NCAM1: variants seen among roughly 807,000 people sequenced by gnomAD.
The protein encoded by NCAM1 is neural cell adhesion molecule 1, also known as antigen recognized by monoclonal antibody 5.1H11.
Under a neutral mutation model 109.8 loss-of-function variants are expected in NCAM1, and 14 were observed. The ratio of observed to expected loss-of-function variants is 0.13; its 90% CI spans 0.08 to 0.20. The LOEUF (loss-of-function observed/expected upper bound fraction) is 0.20, where lower values mean the gene tolerates loss of function less well. Ranked by LOEUF, NCAM1 falls within the 10% of genes least tolerant of loss-of-function variation. The pLI is 1.00. For synonymous variants in NCAM1, 418 were observed against 442.9 expected, an observed-to-expected ratio of 0.94 and a Z score of 0.70; for missense variants, 774 against 1,109.9, an observed-to-expected ratio of 0.70 and a Z score of 4.30.
intron 1 of NCAM1, among the ~76,000 whole-genome samples, chr11:113,154,942 A>G (rs1287923341): frequency 3.9e-5 from 6 of 152,198 alleles, no homozygotes; most frequent in African/African-American, 2.4e-5. Flanking sequence ...TCCTGCAGCA[A>G]GCCCCATTTC....
At chr11:113,088,327 G>C (rs574221170) in intron 1 of NCAM1, among the ~76,000 whole-genome samples, 18 of 152,256 alleles carry the variant, frequency 1.2e-4, no homozygotes, top group South Asian at 2.1e-4. Context: ...GGTAATTCGG[G>C]CTAATGCAAG....
At chr11:113,172,875 T>G (rs970972197) in intron 1 of NCAM1, among the ~76,000 whole-genome samples, 2 of 152,220 alleles carry the variant, frequency 1.3e-5, no homozygotes, top group African/African-American at 2.4e-5. Flanking sequence ...ATTTGCAAAT[T>G]TGAGCCTGGC....
At chr11:113,220,212 G>A (rs1555115024) in intron 8 of NCAM1, among the ~76,000 whole-genome samples, 3 of 152,246 alleles carry the variant, frequency 2.0e-5, no homozygotes, top group East Asian at 1.9e-4. Flanking sequence ...TCTAGATGTG[G>A]GTGGAAAATC....
intron 1 of NCAM1, among the ~76,000 whole-genome samples, chr11:113,128,249 A>G (rs1426627813): frequency 6.6e-6 from 1 of 152,206 alleles, no homozygotes; most frequent in Non-Finnish European, 1.5e-5. Context: ...GGGAGCAGGC[A>G]GACCTAGCTT....
intron 1 of NCAM1, among the ~76,000 whole-genome samples, chr11:113,190,009 G>A (rs778129891): frequency 8.5e-5 from 13 of 152,086 alleles, no homozygotes; most frequent in Non-Finnish European, 1.6e-4. Context: ...AGCACATGGG[G>A]GAGGTCCCAG....
intron 1 of NCAM1, among the ~76,000 whole-genome samples, chr11:113,129,865 T>C (rs1238091990): frequency 6.6e-6 from 1 of 152,224 alleles, no homozygotes; most frequent in Non-Finnish European, 1.5e-5. Context: ...GTTAAGTAAA[T>C]AGGCCAGCAA....
At chr11:113,000,519 C>T (rs966626502) in intron 1 of NCAM1, among the ~76,000 whole-genome samples, 3 of 151,892 alleles carry the variant, frequency 2.0e-5, no homozygotes, top group South Asian at 2.1e-4. Context: ...ACAGGAAGTA[C>T]GGATAACGAG....
At chr11:113,222,030 C>T (rs1944706720) in intron 9 of NCAM1, 1 of 152,196 alleles carries the variant, frequency 6.6e-6, no homozygotes. Context: ...AAGTATTAAT[C>T]TTTAGGCTTT....
intron 1 of NCAM1, among the ~76,000 whole-genome samples, chr11:113,099,067 A>ACGCCT (rs1555091016): frequency 6.6e-6 from 1 of 152,168 alleles, no homozygotes; most frequent in Admixed American, 6.5e-5. Context: ...AAACCTCAAA[A>ACGCCT]CAACCCTAGA....
intron 14 of NCAM1, among the ~76,000 whole-genome samples, chr11:113,238,906 G>T (rs546330653): frequency 5.9e-5 from 9 of 152,352 alleles, no homozygotes; most frequent in African/African-American, 2.2e-4. Context: ...GTTGCTGCCG[G>T]ACTCCTGGGC....
At chr11:113,205,033 C>T (rs552017358) in intron 3 of NCAM1, among the ~76,000 whole-genome samples, 42 of 152,222 alleles carry the variant, frequency 2.8e-4, no homozygotes, top group African/African-American at 4.6e-4. Flanking sequence ...ATTGATTGCA[C>T]GGTATTTATT....
chr11:113,215,145 G>A (rs1176403845), intron 8 of NCAM1, among the ~76,000 whole-genome samples: 1 of 152,130 alleles, frequency 6.6e-6, no homozygotes, highest in Non-Finnish European at 1.5e-5. Flanking sequence ...AATTAAAATG[G>A]CGGGAAAGAT....
intron 1 of NCAM1, among the ~76,000 whole-genome samples, chr11:113,171,245 C>T (rs1026379238): frequency 1.4e-4 from 21 of 152,282 alleles, no homozygotes; most frequent in African/African-American, 4.3e-4. Context: ...AGTGGCAGAG[C>T]CAGAATTTGA....
chr11:113,232,996 A>G (rs1945055895), intron 12 of NCAM1, 151 bp from the exon 13 acceptor site: 2 of 942,892 alleles, frequency 2.1e-6, no homozygotes, highest in African/African-American at 3.3e-5. Flanking sequence ...TTGGGGGAGA[A>G]GCATCTGGTG....
At chr11:113,126,535 T>C (rs1183605453) in intron 1 of NCAM1, among the ~76,000 whole-genome samples, 2 of 152,212 alleles carry the variant, frequency 1.3e-5, no homozygotes, top group African/African-American at 4.8e-5. Flanking sequence ...CCTGCTCTTT[T>C]ATTGCTTAGT....
chr11:113,158,153 A>G (rs1290962477), intron 1 of NCAM1, among the ~76,000 whole-genome samples: 31 of 152,236 alleles, frequency 2.0e-4, no homozygotes, highest in African/African-American at 6.8e-4. Context: ...CAAGTCTTTA[A>G]GTATTGGAAA....
chr11:113,275,277 G>A lies in NCAM1; in HGVS notation c.2467G>A (p.Val823Ile), dbSNP rs1555126330. Residue 823 changes from valine to isoleucine, a missense_variant, in exon 20 of 20, where the codon GTA becomes ATA. Val to Ile is a conservative substitution (Grantham distance 29, BLOSUM62 3). This residue lies in a region of NCAM1 where 122 missense variants were observed against 129.7 expected (regional missense o/e 0.94). Coordinates refer to ENST00000316851, the MANE Select transcript of NCAM1 (RefSeq NM_181351.5). Reference protein sequence around the residue: ...TPLTEPEKGPVEAKPECQETE... With the variant: ...TPLTEPEKGPIEAKPECQETE... ...CCTGATTCTCTGCAGGAAGGGCCCC[G>A]TAGAAGCAAAGCCAGAGTGCCAGGA... The A allele has an allele frequency of 5.6e-6, 9 of 1,613,716 alleles. No individual in the cohort carries two copies. The highest frequency in any genetic ancestry group is 2.2e-5 in the East Asian group (1 of 44,868).
At chr11:113,239,481 A>T (rs1945262956) in intron 14 of NCAM1, among the ~76,000 whole-genome samples, 1 of 141,054 alleles carries the variant, frequency 7.1e-6, no homozygotes, top group Non-Finnish European at 1.5e-5. Context: ...GAATATAGAG[A>T]TTATGAATGA....
intron 1 of NCAM1, among the ~76,000 whole-genome samples, chr11:113,135,138 A>G (rs1555099148): frequency 6.6e-6 from 1 of 152,126 alleles, no homozygotes; most frequent in Non-Finnish European, 1.5e-5. Flanking sequence ...GTGAGTGGGT[A>G]GGGAGATTTT....
Sources: gnomAD v4.1 joint callset for allele counts (sites outside exome capture counted in the v4.1 genomes callset) on GRCh38, gnomAD v4.1.1 for gene constraint, gnomAD v4.1.1 regional missense constraint, MANE v1.5 for transcripts, NCBI Gene and HGNC (gene_info 2026-07-23, HGNC 2026-07-21) for gene names.